The following TMOD3 variants were observed in gnomAD, a reference collection of about 807,000 sequenced individuals.
The protein encoded by TMOD3 is tropomodulin 3.
Under a neutral mutation model 39.2 loss-of-function variants are expected in TMOD3, and 20 were observed. The ratio of observed to expected loss-of-function variants is 0.51; its 90% CI spans 0.36 to 0.74. The LOEUF is 0.74. Among genes scored for constraint, TMOD3 ranks in the 30% least tolerant of loss-of-function variants. The pLI is 0.00. For missense variants in TMOD3, 381 were observed against 412.8 expected (o/e 0.92, Z 0.67); for synonymous variants, 143 against 145.8 (o/e 0.98, Z 0.14).
chr15:51,865,903 A>AAT (rs375086801), intron 2 of TMOD3, among the ~76,000 whole-genome samples: 114 of 151,798 alleles, frequency 7.5e-4, no homozygotes, highest in Non-Finnish European at 1.1e-3. Context: ...CCAAAAAAAA[A>AAT]ATATATATAT....
Position 51,862,860 on chromosome 15 carries a change from TA to T in TMOD3, c.-23del. The T allele has an allele frequency of 6.2e-7, 1 of 1,603,210 alleles. No homozygotes were observed. Among genetic ancestry groups the T allele is most frequent in the South Asian group, 1.1e-5 (1 of 88,474 alleles). On this transcript the variant is annotated 5_prime_UTR_variant, in exon 2 of 10. Transcript: ENST00000308580. Reference sequence around the variant, plus strand: ...TCTGACTGTACTGAACAGCAAAAATTAAGTGACTTGCTGCCCTGCACATCAT... The same window carrying T: ...TCTGACTGTACTGAACAGCAAAAATTAGTGACTTGCTGCCCTGCACATCAT...
intron 2 of TMOD3, 123 bp downstream of exon 2, chr15:51,863,133 A>T: frequency 1.0e-6 from 1 of 991,698 alleles, no homozygotes; most frequent in Non-Finnish European, 1.5e-6. Context: ...CACTTTATCC[A>T]AATCAAGTTG....
At chr15:51,895,216 CTTTT>C (rs974778013) in intron 6 of TMOD3, among the ~76,000 whole-genome samples, 2 of 138,140 alleles carry the variant, frequency 1.4e-5, no homozygotes, top group Non-Finnish European at 1.6e-5. Flanking sequence ...TGATTACTAA[CTTTT>C]TTTTTTTTTT....
chr15:51,854,913 G>A (rs996950029), intron 1 of TMOD3, among the ~76,000 whole-genome samples: 3 of 152,140 alleles, frequency 2.0e-5, no homozygotes, highest in African/African-American at 7.2e-5. Context: ...TAAAAAATTA[G>A]CATGGTCCTG....
chr15:51,901,844 A>G, intron 8 of TMOD3, 48 bp from the exon 9 acceptor site: 1 of 1,573,032 alleles, frequency 6.4e-7, no homozygotes, highest in South Asian at 1.2e-5. Flanking sequence ...CTTGAAAAGT[A>G]TTTTGATCTA....
At chr15:51,888,035 A>T (rs558613674) in intron 4 of TMOD3, among the ~76,000 whole-genome samples, 1 of 152,360 alleles carries the variant, frequency 6.6e-6, no homozygotes, top group South Asian at 2.1e-4. Flanking sequence ...CTGAACACCG[A>T]AAAAGAGTCT....
At chr15:51,854,299 C>T (rs956358914) in intron 1 of TMOD3, among the ~76,000 whole-genome samples, 1 of 152,190 alleles carries the variant, frequency 6.6e-6, no homozygotes, top group African/African-American at 2.4e-5. Context: ...TGAATGTGTT[C>T]AAATAAAACA....
chr15:51,866,456 T>TC (rs1310353622), intron 2 of TMOD3, among the ~76,000 whole-genome samples: 4 of 145,612 alleles, frequency 2.7e-5, no homozygotes, highest in African/African-American at 1.0e-4. Context: ...AGACCCTGTC[T>TC]CCCCCCTACC....
At chr15:51,904,599 C>A (rs1012923506) in intron 9 of TMOD3, among the ~76,000 whole-genome samples, 3 of 152,196 alleles carry the variant, frequency 2.0e-5, no homozygotes, top group African/African-American at 7.2e-5. Context: ...AGCTGTCCCT[C>A]CAGGAGCTGT....
chr15:51,840,745 T>C (rs1399565682), intron 1 of TMOD3, among the ~76,000 whole-genome samples: 1 of 152,236 alleles, frequency 6.6e-6, no homozygotes, highest in African/African-American at 2.4e-5. Context: ...TTTTGCATCA[T>C]TTATTGTACC....
At position 51,901,981 on chromosome 15, in the gene TMOD3, A is replaced by G; in HGVS notation, c.969A>G (p.Thr323=). The change falls in exon 9 of 10, where the codon ACA becomes ACG. Residue 323 remains threonine, a synonymous_variant. Coordinates refer to ENST00000308580, the MANE Select transcript of TMOD3 (RefSeq NM_014547.5). ...TNILKFGYQF[T]QQGPRTRAAN... ...TCCTTAAATTTGGATATCAGTTTAC[A>G]CAGCAGGGACCACGAACCAGAGCAG... 1 of 1,614,194 alleles carries G rather than the reference A, an allele frequency of 6.2e-7. No homozygotes were observed. Among genetic ancestry groups the G allele is most frequent in the Non-Finnish European group, 8.5e-7 (1 of 1,180,032 alleles).
rs376665376 is a variant in TMOD3, at chr15:51,877,849, G to T, written c.283+8476G>T. Among the ~76,000 whole-genome samples, 4 of 152,210 alleles carry T rather than the reference G, an allele frequency of 2.6e-5. No homozygotes were observed. The East Asian group carries it at 7.7e-4, about 29-fold the overall frequency. Reference sequence around the variant, plus strand: ...CTGGTGGGAACAGGTTCTATTCCCAGCTCTGCATGAACATGGGCATTATTA... The same window carrying T: ...CTGGTGGGAACAGGTTCTATTCCCATCTCTGCATGAACATGGGCATTATTA... On this transcript the variant is annotated intron_variant, in intron 3 of 9. Coordinates refer to ENST00000308580, the MANE Select transcript of TMOD3 (RefSeq NM_014547.5).
chr15:51,904,614 T>C (rs1402293196), intron 9 of TMOD3, among the ~76,000 whole-genome samples: 2 of 152,138 alleles, frequency 1.3e-5, no homozygotes, highest in Non-Finnish European at 2.9e-5. Context: ...AGCTGTACAG[T>C]GAATGTCTAT....
At chr15:51,847,776 C>A (rs531309987) in intron 1 of TMOD3, among the ~76,000 whole-genome samples, 2 of 152,056 alleles carry the variant, frequency 1.3e-5, no homozygotes, top group African/African-American at 4.8e-5. Context: ...AAGTAATATA[C>A]GTTATATACA....
chr15:51,905,351 G>A (rs1222275213), intron 9 of TMOD3, among the ~76,000 whole-genome samples: 1 of 152,170 alleles, frequency 6.6e-6, no homozygotes, highest in Admixed American at 6.5e-5. Flanking sequence ...GCCAGGTGTG[G>A]TGGCAGGTAC....
At chr15:51,893,499 G>T (rs1416749227) in intron 5 of TMOD3, among the ~76,000 whole-genome samples, 1 of 151,780 alleles carries the variant, frequency 6.6e-6, no homozygotes, top group Non-Finnish European at 1.5e-5. Context: ...GAGCACAGTG[G>T]CTCCTGCCTG....
At chr15:51,902,597 A>C (rs1211226260) in intron 9 of TMOD3, among the ~76,000 whole-genome samples, 1 of 147,534 alleles carries the variant, frequency 6.8e-6, no homozygotes, top group African/African-American at 2.5e-5. Flanking sequence ...CAGCCTCCCG[A>C]GTAGCTGGGA....
chr15:51,863,646 C>T (rs568931805), intron 2 of TMOD3, among the ~76,000 whole-genome samples: 197 of 152,262 alleles, frequency 1.3e-3, no homozygotes, highest in African/African-American at 3.6e-3. Context: ...TGTTGGAGGA[C>T]GGGCAGTGAA....
chr15:51,872,830 G>T (rs561933850), intron 3 of TMOD3, among the ~76,000 whole-genome samples: 1 of 152,100 alleles, frequency 6.6e-6, no homozygotes, highest in African/African-American at 2.4e-5. Flanking sequence ...GATGATTACC[G>T]AACAAGAGAT....
Sources: gnomAD v4.1 joint callset for allele counts (sites outside exome capture counted in the v4.1 genomes callset) on GRCh38, gnomAD v4.1.1 for gene constraint, MANE v1.5 for transcripts, NCBI Gene and HGNC (gene_info 2026-07-23, HGNC 2026-07-21) for gene names.